GSE1: variants seen among roughly 807,000 people sequenced by gnomAD.
The protein encoded by GSE1 is Gse1 coiled-coil protein, also known as genetic suppressor element 1.
Under a neutral mutation model 112.6 loss-of-function variants are expected in GSE1, and 32 were observed. That is an observed-to-expected ratio of 0.28 (90% CI 0.21 to 0.38). The LOEUF (loss-of-function observed/expected upper bound fraction) is 0.38. Among genes scored for constraint, GSE1 ranks in the 10% least tolerant of loss-of-function variants. The pLI is 1.00. For missense variants in GSE1, 2,348 were observed against 1,699.2 expected (o/e 1.38, Z -6.71); for synonymous variants, 1,115 against 735.6 (o/e 1.52, Z -8.35).
intron 2 of GSE1, among the ~76,000 whole-genome samples, chr16:85,455,489 C>T (rs779159457): frequency 6.6e-5 from 10 of 152,174 alleles, no homozygotes; most frequent in Non-Finnish European, 1.5e-4. Context: ...ACAGCAGACC[C>T]CATGGTCCCC....
chr16:85,529,687 A>G (rs2052479154), intron 2 of GSE1, among the ~76,000 whole-genome samples: 1 of 152,094 alleles, frequency 6.6e-6, no homozygotes, highest in South Asian at 2.1e-4. Context: ...CCCTGGCTGG[A>G]ATATGGAGGC....
At chr16:85,569,568 G>A (rs2045896813) in intron 1 of GSE1, among the ~76,000 whole-genome samples, 2 of 152,210 alleles carry the variant, frequency 1.3e-5, no homozygotes, top group Admixed American at 1.3e-4. Context: ...AGGAAGGGCG[G>A]ACTTGCTCTT....
chr16:85,630,164 G>C (rs538452898), intron 1 of GSE1, among the ~76,000 whole-genome samples: 2 of 152,316 alleles, frequency 1.3e-5, no homozygotes, highest in African/African-American at 4.8e-5. Context: ...TGATACGGCA[G>C]CTGACCCCCC....
intron 2 of GSE1, among the ~76,000 whole-genome samples, chr16:85,475,179 C>G (rs930027410): frequency 1.3e-5 from 2 of 152,246 alleles, no homozygotes; most frequent in African/African-American, 4.8e-5. Flanking sequence ...TTTTCCATCT[C>G]CTTTCCTTCT....
At chr16:85,649,225 T>A (rs1405304243) in intron 3 of GSE1, among the ~76,000 whole-genome samples, 1 of 152,078 alleles carries the variant, frequency 6.6e-6, no homozygotes, top group Non-Finnish European at 1.5e-5. Context: ...TTAAAGACCG[T>A]GTCTCCAAAT....
intron 1 of GSE1, among the ~76,000 whole-genome samples, chr16:85,289,104 C>G (rs1186960140): frequency 1.3e-5 from 2 of 152,218 alleles, no homozygotes; most frequent in African/African-American, 4.8e-5. Context: ...ATTTTATCTT[C>G]AAATAATCTT....
chr16:85,624,512 G>C (rs910072806), intron 1 of GSE1, among the ~76,000 whole-genome samples: 3 of 152,218 alleles, frequency 2.0e-5, no homozygotes, highest in Non-Finnish European at 2.9e-5. Flanking sequence ...CACCCAAACA[G>C]CCGCCACAGG....
Position 85,296,951 on chromosome 16 carries a change from C to T in GSE1, c.2284-60512C>T, listed in dbSNP as rs576149971. On this transcript the variant is annotated intron_variant, in intron 1 of 2. Coordinates refer to the GSE1 transcript ENST00000637419. ...CCAGGCTGCTCCCCCGGCGCTTCCC[C>T]GGCCAGTGCCCGATCTTTCCTCCTT... Among the ~76,000 whole-genome samples the T allele has an allele frequency of 8.5e-5, 13 of 152,340 alleles. No individual in the cohort carries two copies. The South Asian group carries it at 1.0e-3, about 12-fold the overall frequency.
chr16:85,408,558 G>T (rs1445953800), intron 2 of GSE1, among the ~76,000 whole-genome samples: 1 of 23,084 alleles, frequency 4.3e-5, no homozygotes, highest in East Asian at 2.3e-3. Flanking sequence ...AGGGCCCCCC[G>T]GATAATCCTC....
At chr16:85,265,514 C>T (rs1010072590) in intron 1 of GSE1, among the ~76,000 whole-genome samples, 2 of 152,122 alleles carry the variant, frequency 1.3e-5, no homozygotes, top group Non-Finnish European at 2.9e-5. Context: ...TATGTCCGGA[C>T]TATATCTCAT....
exon 1 of GSE1, chr16:85,171,235 T>G (rs2074354147): frequency 2.0e-6 from 2 of 985,600 alleles, no homozygotes; most frequent in African/African-American, 1.7e-5. Flanking sequence ...CCACCAGGCC[T>G]TCTCCGCCTC....
intron 2 of GSE1, among the ~76,000 whole-genome samples, chr16:85,471,387 C>T (rs1409292832): frequency 6.6e-6 from 1 of 152,150 alleles, no homozygotes; most frequent in Admixed American, 6.5e-5. Context: ...GGCTCATAGG[C>T]CTTTCAGCCC....
Position 85,573,969 on chromosome 16 carries a change from C to T in GSE1, c.37+17606C>T, listed in dbSNP as rs370541401. On this transcript the variant is annotated intron_variant, in intron 1 of 2. Transcript: ENST00000635906. The stretch of plus-strand genomic sequence containing the variant: ...TTCAGGAGAACTCGGGCAGACGTGG[C>T]GCCGTCTCTTTGGCCAGAGAAGAAG... Among the ~76,000 whole-genome samples the T allele has an allele frequency of 3.9e-5, 6 of 152,298 alleles. No individual in the cohort carries two copies. In the East Asian group the frequency reaches 5.8e-4, roughly 15 times the overall value.
chr16:85,509,498 G>T (rs2051661612), intron 2 of GSE1, among the ~76,000 whole-genome samples: 2 of 152,222 alleles, frequency 1.3e-5, no homozygotes, highest in Admixed American at 6.5e-5. Context: ...CATCGTCCTT[G>T]GTCACCCACC....
chr16:85,427,121 CTG>C (rs2049011996), intron 2 of GSE1, among the ~76,000 whole-genome samples: 1 of 152,178 alleles, frequency 6.6e-6, no homozygotes. Flanking sequence ...AGCACCAGCA[CTG>C]TGAGTCCTGG....
chr16:85,388,335 G>A (rs867345970), intron 2 of GSE1, among the ~76,000 whole-genome samples: 10 of 71,640 alleles, frequency 1.4e-4, no homozygotes, highest in East Asian at 5.7e-4. Flanking sequence ...TGGATGAATG[G>A]ATGTATGGCT....
At chr16:85,397,919 TAG>T (rs2048005469) in intron 2 of GSE1, among the ~76,000 whole-genome samples, 1 of 149,676 alleles carries the variant, frequency 6.7e-6, no homozygotes, top group Non-Finnish European at 1.5e-5. Context: ...GGCTGCCCCT[TAG>T]AGTCACAAAA....
intron 1 of GSE1, among the ~76,000 whole-genome samples, chr16:85,294,616 A>ACTCTCTCTCTCTCTCTCTCT (rs756560732): frequency 1.3e-5 from 1 of 76,596 alleles, no homozygotes; most frequent in African/African-American, 6.2e-5. Flanking sequence ...CACGCCTCTC[A>ACTCTCTCTCTCTCTCTCTCT]CTCTCTCTCT....
chr16:85,671,037 G>A lies in GSE1; in HGVS notation c.3458G>A (p.Arg1153Gln), dbSNP rs2303203. The A allele has an allele frequency of 9.5e-5, 153 of 1,612,976 alleles. No individual in the cohort carries two copies. In the East Asian group the frequency reaches 3.0e-3, roughly 32 times the overall value. ...CAGGTGTTACAGACACAATGTAGAC[G>A]ACTGGAGGCCCGGCACTACAGCCTC... ...ERQVLQTQCR[R>Q]LEARHYSLSL... Residue 1153 changes from arginine to glutamine, a missense_variant, in exon 15 of 16, where the codon CGA (arginine) becomes CAA (glutamine). Physicochemically the swap from Arg to Gln is conservative, Grantham distance 43. Transcript: ENST00000253458.
Sources: gnomAD v4.1 joint callset for allele counts (sites outside exome capture counted in the v4.1 genomes callset) on GRCh38, gnomAD v4.1.1 for gene constraint, MANE v1.5 for transcripts, NCBI Gene and HGNC (gene_info 2026-07-23, HGNC 2026-07-21) for gene names.